Variants in OR2L5 observed in about 807,000 individuals in gnomAD.
OR2L5 encodes olfactory receptor family 2 subfamily L member 5, also known as olfactory receptor 2L5.
For missense variants in OR2L5, 413 were observed against 381.6 expected (o/e 1.08, Z -0.69); for synonymous variants, 169 against 142.0 (o/e 1.19, Z -1.35).
At chr1:248,018,709 C>T (rs1266155601) in intron 1 of OR2L5, among the ~76,000 whole-genome samples, 1 of 152,198 alleles carries the variant, frequency 6.6e-6, no homozygotes, top group Non-Finnish European at 1.5e-5. Flanking sequence ...GCATTAAGGA[C>T]ATTTATGTTG....
rs777371954 is a variant in OR2L5, at chr1:248,022,434, T to C, written c.487T>C (p.Phe163Leu). Reference protein sequence around the residue: ...INSCAHTVYAFRIPYCKSRAI... With the variant: ...INSCAHTVYALRIPYCKSRAI... ...CTCTTGTGCTCACACAGTATATGCA[T>C]TCCGTATCCCATATTGCAAGTCCAG... Residue 163 changes from phenylalanine to leucine, a missense_variant, in exon 2 of 2, where the codon TTC (phenylalanine) becomes CTC (leucine). By Grantham distance (22) the Phe-to-Leu change is conservative. Coordinates refer to ENST00000355281, the MANE Select transcript of OR2L5 (RefSeq NM_001258284.2). 2.5e-5 allele frequency: 41 copies of C among 1,614,080 alleles called. No homozygotes were observed. Among genetic ancestry groups the C allele is most frequent in the Non-Finnish European group, 3.1e-5 (36 of 1,180,028 alleles).
chr1:248,022,244 G>C lies in OR2L5; in HGVS notation c.297G>C (p.Gln99His). The C allele has an allele frequency of 6.2e-7, 1 of 1,614,132 alleles. No homozygotes were observed. Among genetic ancestry groups the C allele is most frequent in the Non-Finnish European group, 8.5e-7 (1 of 1,180,028 alleles). ...KSISFIGCGI[Q>H]SFFFMTFAGA... The stretch of plus-strand genomic sequence containing the variant: ...TCTCCTTCATTGGGTGTGGGATTCA[G>C]AGTTTCTTCTTCATGACTTTTGCAG... The change falls in exon 2 of 2, where the codon CAG (glutamine) becomes CAC (histidine). Residue 99 changes from glutamine to histidine, a missense_variant. By Grantham distance (24) the Gln-to-His change is conservative (BLOSUM62 0). Transcript: ENST00000355281.
chr1:248,019,901 C>T lies in OR2L5; in HGVS notation c.-21-2026C>T, dbSNP rs548404777. 2.0e-5 allele frequency among the ~76,000 whole-genome samples: 3 copies of T among 152,264 alleles called. No individual in the cohort carries two copies. The East Asian group carries it at 5.8e-4, about 29-fold the overall frequency. On this transcript the variant is annotated intron_variant, in intron 1 of 1. Transcript: ENST00000355281. ...TCCTGGGCTCAAGCAATCCTCCCAC[C>T]TCAGCCTCCCCAAGTAGCTGGGACT...
chr1:248,023,031 T>G lies in OR2L5; in HGVS notation c.*145T>G. ...GTCTTTTAATTTAGTCTTGACATTA[T>G]AGTTGCATATTCTAAGACATCTATT... On this transcript the variant is annotated 3_prime_UTR_variant, in exon 2 of 2. Transcript: ENST00000355281. 1.4e-6 allele frequency: 1 copy of G among 726,094 alleles called. No homozygotes were observed. The highest frequency in any genetic ancestry group is 2.2e-6 in the Non-Finnish European group (1 of 458,356). 45.0% of individuals were successfully genotyped at this position (726,094 alleles called of 1,614,324 possible).
intron 1 of OR2L5, among the ~76,000 whole-genome samples, chr1:248,016,927 G>T (rs2103073874): frequency 6.6e-6 from 1 of 152,176 alleles, no homozygotes; most frequent in Non-Finnish European, 1.5e-5. Flanking sequence ...TTGTTATTAG[G>T]ATTAAATCTA....
intron 1 of OR2L5, 112 bp downstream of exon 1, chr1:248,013,850 G>C (rs191181736): frequency 7.2e-4 from 110 of 152,256 alleles, no homozygotes; most frequent in African/African-American, 2.6e-3. Flanking sequence ...TTGAGCACTA[G>C]TAATTGTACT....
At chr1:248,016,236 C>A (rs1367555204) in intron 1 of OR2L5, among the ~76,000 whole-genome samples, 1 of 152,122 alleles carries the variant, frequency 6.6e-6, no homozygotes, top group Non-Finnish European at 1.5e-5. Context: ...AACTTGGGCA[C>A]CATTTGTAGA....
In OR2L5 at chr1:248,022,898, G is replaced by T. The variant is rs2103079952; in HGVS notation, c.*12G>T. 6.3e-7 allele frequency: 1 copy of T among 1,589,558 alleles called. No homozygotes were observed. The highest frequency in any genetic ancestry group is 8.6e-7 in the Non-Finnish European group (1 of 1,168,822). ...CGGTGAAAATGTAGACATACGTTCT[G>T]TGTTAGAGTCAAAGCGCTAGGTTCA... On this transcript the variant is annotated 3_prime_UTR_variant, in exon 2 of 2. Transcript: ENST00000355281.
Position 248,021,978 on chromosome 1 carries a change from T to G in OR2L5, c.31T>G (p.Phe11Val). 3.1e-6 allele frequency: 5 copies of G among 1,613,574 alleles called. No individual in the cohort carries two copies. The highest frequency in any genetic ancestry group is 4.2e-6 in the Non-Finnish European group (5 of 1,179,704). ...AAATTACAATCAAACGTCAACTGAT[T>G]TCATCTTATTGGGGCTGTTCCCACC... MENYNQTSTD[F>V]ILLGLFPPSK... Residue 11 changes from phenylalanine to valine, a missense_variant, in exon 2 of 2, where the codon TTC becomes GTC. Physicochemically the swap from Phe to Val is conservative, Grantham distance 50. Coordinates refer to ENST00000355281, the MANE Select transcript of OR2L5 (RefSeq NM_001258284.2).
intron 1 of OR2L5, 117 bp from the exon 2 acceptor site, chr1:248,021,810 T>C (rs920674204): frequency 1.2e-5 from 7 of 607,202 alleles, no homozygotes; most frequent in African/African-American, 3.7e-5. Flanking sequence ...TAAAAAATAG[T>C]GTATATAGGG....
intron 1 of OR2L5, among the ~76,000 whole-genome samples, chr1:248,014,713 CTCT>C (rs750980824): frequency 6.6e-6 from 1 of 152,074 alleles, no homozygotes; most frequent in African/African-American, 2.4e-5. Context: ...CTTGTAGATT[CTCT>C]TCAATGATAC....
At chr1:248,021,847 T>C (rs1044619234) in intron 1 of OR2L5, 80 bp from the exon 2 acceptor site, 28 of 845,412 alleles carry the variant, frequency 3.3e-5, no homozygotes, top group Admixed American at 4.8e-5. Flanking sequence ...ATTTCAGGCA[T>C]TCACTGGAGG....
rs745928154 is a variant in OR2L5 at position 248,022,899 on chromosome 1, T to C, written c.*13T>C. 1.3e-5 allele frequency: 21 copies of C among 1,588,256 alleles called. No homozygotes were observed. Among genetic ancestry groups the C allele is most frequent in the East Asian group, 2.2e-5 (1 of 44,796 alleles). On this transcript the variant is annotated 3_prime_UTR_variant, in exon 2 of 2. Transcript: ENST00000355281. ...GGTGAAAATGTAGACATACGTTCTG[T>C]GTTAGAGTCAAAGCGCTAGGTTCAT...
chr1:248,019,872 G>A (rs752233435), intron 1 of OR2L5, among the ~76,000 whole-genome samples: 81 of 151,720 alleles, frequency 5.3e-4, no homozygotes, highest in Admixed American at 1.9e-3. Context: ...CTGCAACCTC[G>A]GCCTCCTGGG....
At chr1:248,020,339 C>G (rs992213565) in intron 1 of OR2L5, among the ~76,000 whole-genome samples, 1 of 152,116 alleles carries the variant, frequency 6.6e-6, no homozygotes, top group Non-Finnish European at 1.5e-5. Flanking sequence ...AAAGACTCCT[C>G]CAGAAAACTC....
chr1:248,020,993 C>T (rs1304961642), intron 1 of OR2L5, among the ~76,000 whole-genome samples: 1 of 151,732 alleles, frequency 6.6e-6, no homozygotes, highest in African/African-American at 2.4e-5. Flanking sequence ...CAGGCTGCTG[C>T]AGCTTTAGAA....
Position 248,021,907 on chromosome 1 carries a change from A to G in OR2L5, c.-21-20A>G. ...AATGGGGAACTACTGTACTTGACTT[A>G]CCCTTGTGTCTCCCTTCAGGAAGGA... On this transcript the variant is annotated intron_variant, in intron 1 of 1. Transcript: ENST00000355281. 6.6e-7 allele frequency: 1 copy of G among 1,515,160 alleles called. No homozygotes were observed. Among genetic ancestry groups the G allele is most frequent in the African/African-American group, 1.4e-5 (1 of 73,094 alleles). 93.9% of individuals were successfully genotyped at this position (1,515,160 alleles called of 1,614,324 possible).
chr1:248,022,073 A>G lies in OR2L5; in HGVS notation c.126A>G (p.Leu42=). The change falls in exon 2 of 2, where the codon CTA becomes CTG. Residue 42 remains leucine, a synonymous_variant. Coordinates refer to ENST00000355281, the MANE Select transcript of OR2L5 (RefSeq NM_001258284.2). Reference sequence around the variant, plus strand: ...TCCTAATGGCTCTAATTGGAAACCTATCCATGATTCTTCTCATCTTCTTGG... The same window carrying G: ...TCCTAATGGCTCTAATTGGAAACCTGTCCATGATTCTTCTCATCTTCTTGG... ...LIFLMALIGN[L]SMILLIFLDT... 1.2e-6 allele frequency: 2 copies of G among 1,613,872 alleles called. No homozygotes were observed. The highest frequency in any genetic ancestry group is 1.7e-6 in the Non-Finnish European group (2 of 1,179,836).
In OR2L5 at chr1:248,022,766, G is replaced by A; in HGVS notation, c.819G>A (p.Leu273=). 1 of 1,613,958 alleles carries A rather than the reference G, an allele frequency of 6.2e-7. No homozygotes were observed. The highest frequency in any genetic ancestry group is 8.5e-7 in the Non-Finnish European group (1 of 1,180,004). Residue 273 remains leucine (L), a synonymous_variant, in exon 2 of 2, where the codon CTG becomes CTA. Coordinates refer to ENST00000355281, the MANE Select transcript of OR2L5 (RefSeq NM_001258284.2). The part of the protein sequence containing the change: ...SLRSLTEDKV[L]AVFYTILTPM... ...GATCTCTGACAGAGGACAAGGTTCT[G>A]GCTGTTTTCTACACCATCCTCACCC...
Sources: allele counts gnomAD v4.1 joint callset (sites outside exome capture counted in the v4.1 genomes callset), GRCh38; gene constraint gnomAD v4.1.1; transcripts MANE v1.5; gene names NCBI Gene and HGNC (gene_info 2026-07-23, HGNC 2026-07-21).